The following ICE1 variants were observed in gnomAD, a reference collection of about 807,000 sequenced individuals.
ICE1 encodes the protein little elongation complex subunit 1.
In ICE1, 64 loss-of-function variants were observed where a neutral mutation model predicts 192.7. That is an observed-to-expected ratio of 0.33 (90% CI 0.27 to 0.41). The LOEUF (loss-of-function observed/expected upper bound fraction) is 0.41, where lower values mean the gene tolerates loss of function less well. Ranked by LOEUF, ICE1 falls within the 10% of genes least tolerant of loss-of-function variation. ICE1 has a pLI of 1.00. For missense variants in ICE1, 2,708 were observed against 2,696.0 expected (o/e 1.00, Z -0.10); for synonymous variants, 1,010 against 984.5 (o/e 1.03, Z -0.49).
chr5:5,470,804 G>A (rs971425264), intron 15 of ICE1, among the ~76,000 whole-genome samples: 6 of 152,174 alleles, frequency 3.9e-5, no homozygotes, highest in Admixed American at 2.0e-4. Flanking sequence ...TTGAAATTGA[G>A]ATATACATTC....
In ICE1 at chr5:5,447,913, CTT is replaced by C; in HGVS notation, c.604+19_604+20del. The C allele has an allele frequency of 6.5e-7, 1 of 1,548,242 alleles. No homozygotes were observed. The highest frequency in any genetic ancestry group is 8.8e-7 in the Non-Finnish European group (1 of 1,141,300). On this transcript the variant is annotated intron_variant, in intron 10 of 18. Coordinates refer to ENST00000296564, the MANE Select transcript of ICE1 (RefSeq NM_015325.3). ...ATAGATAAAAGTGAGTATATTGCAACTTTTGTTTTAATGTTGTGTATTGCTCT... is the reference window on the plus strand; with the variant it reads ...ATAGATAAAAGTGAGTATATTGCAACTTGTTTTAATGTTGTGTATTGCTCT...
rs1739074503 is a variant in ICE1 at position 5,468,953 on chromosome 5, C to T, written c.6187C>T (p.Leu2063=). The T allele has an allele frequency of 6.4e-7, 1 of 1,568,726 alleles. No homozygotes were observed. Among genetic ancestry groups the T allele is most frequent in the Non-Finnish European group, 8.6e-7 (1 of 1,160,554 alleles). ...VARQRAKGEV[L]NCLRAFLNWE... ...CAGGCAACGTGCTAAAGGAGAGGTTCTGAACTGCTTGAGAGCTTTTCTTAA... is the reference window on the plus strand; with the variant it reads ...CAGGCAACGTGCTAAAGGAGAGGTTTTGAACTGCTTGAGAGCTTTTCTTAA... Residue 2063 remains leucine (L), a synonymous_variant, in exon 15 of 19, where the codon CTG becomes TTG. Transcript: ENST00000296564.
chr5:5,423,026 G>A (rs1205660178), intron 1 of ICE1, 27 bp downstream of exon 1: 3 of 1,335,880 alleles, frequency 2.2e-6, no homozygotes, highest in South Asian at 3.6e-5. Flanking sequence ...GGCCCCGGGC[G>A]CGGGGGGGGA....
In ICE1 at chr5:5,465,030, A is replaced by T; in HGVS notation, c.5696A>T (p.Gln1899Leu). ...CSSPAVSAVSQLPLSPKETVE... is the reference protein window; with the variant it reads ...CSSPAVSAVSLLPLSPKETVE... Reference sequence around the variant, plus strand: ...AGTCCAGCCGTCAGTGCAGTTTCACAGTTGCCTTTAAGCCCAAAAGAAACT... The same window carrying T: ...AGTCCAGCCGTCAGTGCAGTTTCACTGTTGCCTTTAAGCCCAAAAGAAACT... The change falls in exon 13 of 19, where the codon CAG becomes CTG. Residue 1899 changes from glutamine to leucine, a missense_variant. By Grantham distance (113) the Gln-to-Leu change is moderately radical. Transcript: ENST00000296564. 6.2e-7 allele frequency: 1 copy of T among 1,613,986 alleles called. No individual in the cohort carries two copies. The highest frequency in any genetic ancestry group is 1.7e-5 in the Admixed American group (1 of 60,022).
intron 1 of ICE1, 62 bp downstream of exon 1, chr5:5,423,061 A>C: frequency 8.4e-7 from 1 of 1,192,630 alleles, no homozygotes; most frequent in East Asian, 3.2e-5. Flanking sequence ...CCGGGAGCGC[A>C]GGGATGTGGG....
At chr5:5,466,046 A>G (rs1377962049) in intron 13 of ICE1, among the ~76,000 whole-genome samples, 2 of 152,224 alleles carry the variant, frequency 1.3e-5, no homozygotes, top group Admixed American at 6.5e-5. Flanking sequence ...GACTAGTGGT[A>G]GTGACAGTAT....
chr5:5,454,441 T>C (rs1738528390), intron 10 of ICE1, 111 bp from the exon 11 acceptor site: 6 of 662,716 alleles, frequency 9.1e-6, no homozygotes, highest in Non-Finnish European at 1.6e-5. Context: ...GGGGAAGATG[T>C]ATATGTAATT....
intron 14 of ICE1, among the ~76,000 whole-genome samples, chr5:5,468,526 A>T (rs541728151): frequency 6.6e-6 from 1 of 152,258 alleles, no homozygotes; most frequent in Non-Finnish European, 1.5e-5. Flanking sequence ...CAATGAGTAA[A>T]TGTAATGCAT....
At chr5:5,467,626 A>G (rs766741534) in intron 14 of ICE1, among the ~76,000 whole-genome samples, 2 of 152,164 alleles carry the variant, frequency 1.3e-5, no homozygotes, top group Admixed American at 6.5e-5. Flanking sequence ...TCTAGCTTGT[A>G]TACTCTGTAA....
intron 17 of ICE1, among the ~76,000 whole-genome samples, chr5:5,476,805 C>T (rs533477470): frequency 1.7e-4 from 26 of 152,054 alleles, no homozygotes; most frequent in Non-Finnish European, 2.4e-4. Flanking sequence ...GAGATTTGGG[C>T]GGGGACAGAT....
intron 1 of ICE1, among the ~76,000 whole-genome samples, chr5:5,435,833 C>T (rs966288696): frequency 6.6e-6 from 1 of 151,880 alleles, no homozygotes; most frequent in African/African-American, 2.4e-5. Context: ...ACACACCTGG[C>T]TAAATTTTGT....
intron 15 of ICE1, among the ~76,000 whole-genome samples, chr5:5,473,099 A>G (rs1333831749): frequency 1.3e-5 from 2 of 152,234 alleles, no homozygotes; most frequent in African/African-American, 4.8e-5. Context: ...CACATTATAC[A>G]CAGGTGTGAA....
intron 10 of ICE1, among the ~76,000 whole-genome samples, chr5:5,448,368 G>T (rs968049851): frequency 6.6e-6 from 1 of 152,092 alleles, no homozygotes; most frequent in African/African-American, 2.4e-5. Context: ...GAAAAGTGGT[G>T]GTCACGGAAC....
chr5:5,431,191 A>G (rs191038679), intron 1 of ICE1, among the ~76,000 whole-genome samples: 82 of 152,294 alleles, frequency 5.4e-4, no homozygotes, highest in Middle Eastern at 3.4e-3. Context: ...GAAGCATGGG[A>G]AAGATGAGCT....
Position 5,442,058 on chromosome 5 carries a change from CTCT to C in ICE1, c.309+843_309+845del, listed in dbSNP as rs529489900. 1.9e-4 allele frequency among the ~76,000 whole-genome samples: 29 copies of C among 152,332 alleles called. No homozygotes were observed. In the South Asian group the frequency reaches 2.1e-3, roughly 11 times the overall value. On this transcript the variant is annotated intron_variant, in intron 5 of 18. Transcript: ENST00000296564. ...AAATACGTATGTCTTTTCATGGAAG[CTCT>C]TCTTCTTTTCAAAGTCAAGTTGCAG...
chr5:5,459,254 T>C (rs563757356), intron 12 of ICE1, among the ~76,000 whole-genome samples: 2 of 152,150 alleles, frequency 1.3e-5, no homozygotes, highest in Non-Finnish European at 2.9e-5. Flanking sequence ...AAAAATGTTA[T>C]GAGGTCAAAT....
In ICE1 at chr5:5,440,970, T is replaced by G. The variant is rs1738031244; in HGVS notation, c.198-142T>G. 7.0e-6 allele frequency: 4 copies of G among 570,778 alleles called. No homozygotes were observed. In the South Asian group the frequency reaches 9.5e-5, roughly 14 times the overall value. 35.4% of individuals were successfully genotyped at this position (570,778 alleles called of 1,614,324 possible). On this transcript the variant is annotated intron_variant, in intron 4 of 18. Transcript: ENST00000296564. ...AAAGGCAATGTGAAGATCATGTTGG[T>G]GTAGAGAGAAGTGCATTTAAAAAGA... is the stretch of plus-strand genomic sequence containing the variant.
In ICE1 at chr5:5,448,377, A is replaced by G. The variant is rs536077001; in HGVS notation, c.604+480A>G. Among the ~76,000 whole-genome samples, 23 of 152,132 alleles carry G rather than the reference A, an allele frequency of 1.5e-4. No homozygotes were observed. The East Asian group carries it at 4.4e-3, about 29-fold the overall frequency. On this transcript the variant is annotated intron_variant, in intron 10 of 18. Coordinates refer to ENST00000296564, the MANE Select transcript of ICE1 (RefSeq NM_015325.3). ...TGCAAAGAAAAGTGGTGGTCACGGA[A>G]CAAGGGAATGTCATACAAATGTGGA...
chr5:5,489,244 C>A lies in ICE1; in HGVS notation c.6715C>A (p.Arg2239=). ...AATTTCCAAGATCCTGGAAGCTTGGCGGAGAGAGGCCTCCAAAAGCGTTCC... is the reference window on the plus strand; with the variant it reads ...AATTTCCAAGATCCTGGAAGCTTGGAGGAGAGAGGCCTCCAAAAGCGTTCC... ...AEISKILEAW[R]REASKSVPSA... Residue 2239 remains arginine (R), a synonymous_variant, in exon 19 of 19, where the codon CGG becomes AGG. Transcript: ENST00000296564. 6.2e-7 allele frequency: 1 copy of A among 1,613,832 alleles called. No individual in the cohort carries two copies. Among genetic ancestry groups the A allele is most frequent in the Non-Finnish European group, 8.5e-7 (1 of 1,179,832 alleles).
Sources: gnomAD v4.1 joint callset for allele counts (sites outside exome capture counted in the v4.1 genomes callset) on GRCh38, gnomAD v4.1.1 for gene constraint, MANE v1.5 for transcripts, NCBI Gene and HGNC (gene_info 2026-07-23, HGNC 2026-07-21) for gene names.